Variants in METTL24 observed in about 807,000 individuals in gnomAD.
The protein encoded by METTL24 is methyltransferase like 24, also known as probable methyltransferase-like protein 24.
Under a neutral mutation model 32.7 loss-of-function variants are expected in METTL24, and 29 were observed. That is an observed-to-expected ratio of 0.89 (90% CI 0.66 to 1.21). The LOEUF (loss-of-function observed/expected upper bound fraction) is 1.21. Among genes scored for constraint, METTL24 ranks in the 50% most tolerant of loss-of-function variants. METTL24 has a pLI of 0.00. For synonymous variants in METTL24, 163 were observed against 179.5 expected (o/e 0.91, Z 0.73); for missense variants, 439 against 468.1 (o/e 0.94, Z 0.57).
intron 2 of METTL24, among the ~76,000 whole-genome samples, chr6:110,317,748 A>G (rs1771852552): frequency 6.6e-6 from 1 of 152,050 alleles, no homozygotes; most frequent in Non-Finnish European, 1.5e-5. Flanking sequence ...ATCCAAACCT[A>G]GCTCTAACCT....
At chr6:110,329,528 G>C (rs1293024877) in intron 1 of METTL24, among the ~76,000 whole-genome samples, 3 of 144,940 alleles carry the variant, frequency 2.1e-5, no homozygotes, top group Admixed American at 1.4e-4. Context: ...GTTGGGGGAG[G>C]GAGAGGCACA....
At chr6:110,298,617 C>T (rs1771463455) in intron 4 of METTL24, among the ~76,000 whole-genome samples, 1 of 151,972 alleles carries the variant, frequency 6.6e-6, no homozygotes, top group Non-Finnish European at 1.5e-5. Context: ...AAGTCAGTTG[C>T]CAAATGAAAA....
At chr6:110,333,676 A>C (rs1192628908) in intron 1 of METTL24, among the ~76,000 whole-genome samples, 1 of 152,108 alleles carries the variant, frequency 6.6e-6, no homozygotes, top group East Asian at 1.9e-4. Flanking sequence ...TCGTGACCTC[A>C]AATGACCTGC....
intron 1 of METTL24, among the ~76,000 whole-genome samples, chr6:110,343,868 C>G (rs549820651): frequency 6.6e-5 from 10 of 152,144 alleles, no homozygotes; most frequent in South Asian, 6.2e-4. Context: ...CAGTGCAGAG[C>G]GAAGAGGAGA....
At chr6:110,350,339 G>GT (rs1204728581) in intron 1 of METTL24, among the ~76,000 whole-genome samples, 2 of 152,090 alleles carry the variant, frequency 1.3e-5, no homozygotes, top group African/African-American at 4.8e-5. Flanking sequence ...CTCCAGGAGG[G>GT]TTTCAATCAG....
rs968896872 is a variant in METTL24 at position 110,356,336 on chromosome 6, G to A, written c.318+1619C>T. On this transcript the variant is annotated intron_variant, in intron 1 of 4. Transcript: ENST00000338882. ...TGCACGCCTGTAATCCCAGCTACTC[G>A]GTAGGCTGAGCCAGAAGAATCGCTT... Among the ~76,000 whole-genome samples, 61 of 151,982 alleles carry A rather than the reference G, an allele frequency of 4.0e-4. 1 individual carries two copies. The highest frequency in any genetic ancestry group is 3.3e-3 in the Admixed American group (50 of 15,260).
intron 1 of METTL24, among the ~76,000 whole-genome samples, chr6:110,343,462 G>A (rs983636912): frequency 1.3e-5 from 2 of 152,200 alleles, no homozygotes; most frequent in African/African-American, 4.8e-5. Context: ...AGGAGAAACA[G>A]GATTATTGAA....
chr6:110,261,194 C>T (rs144232815), intron 4 of METTL24, among the ~76,000 whole-genome samples: 301 of 152,220 alleles, frequency 2.0e-3, no homozygotes, highest in African/African-American at 6.9e-3. Flanking sequence ...AGAGTCAAGA[C>T]CCATCAGTGT....
At chr6:110,295,005 C>CTTTTTTTTTTT (rs1562228256) in intron 4 of METTL24, among the ~76,000 whole-genome samples, 12 of 96,830 alleles carry the variant, frequency 1.2e-4, no homozygotes, top group African/African-American at 4.1e-4. Flanking sequence ...TTCTTTTTTT[C>CTTTTTTTTTTT]TTTCTTTCTT....
Position 110,270,884 on chromosome 6 carries a change from C to T in METTL24, c.787-24624G>A, listed in dbSNP as rs566324788. Among the ~76,000 whole-genome samples, 11 of 146,010 alleles carry T rather than the reference C, an allele frequency of 7.5e-5. No homozygotes were observed. In the East Asian group the frequency reaches 2.2e-3, roughly 29 times the overall value. On this transcript the variant is annotated intron_variant, in intron 4 of 4. Transcript: ENST00000338882. ...GTGGAGTCTTGCTCTGTTGCCCAGG[C>T]TGGAGTGCAGTGGCATGATCTTGAC...
chr6:110,254,490 G>T (rs1351749745), intron 4 of METTL24, among the ~76,000 whole-genome samples: 3 of 151,918 alleles, frequency 2.0e-5, no homozygotes, highest in Non-Finnish European at 2.9e-5. Context: ...AAATTATCTG[G>T]GCATGGTGGC....
chr6:110,316,748 T>C (rs541673820), intron 2 of METTL24, among the ~76,000 whole-genome samples: 2 of 152,016 alleles, frequency 1.3e-5, no homozygotes, highest in East Asian at 3.9e-4. Context: ...ATATAAACAT[T>C]AGCTGGGCAT....
At chr6:110,318,777 C>T (rs1421442774) in intron 2 of METTL24, among the ~76,000 whole-genome samples, 1 of 152,116 alleles carries the variant, frequency 6.6e-6, no homozygotes, top group Non-Finnish European at 1.5e-5. Context: ...AACTGAAAGT[C>T]CTCCATAAAC....
intron 4 of METTL24, among the ~76,000 whole-genome samples, chr6:110,276,114 G>C (rs369808079): frequency 6.6e-6 from 1 of 152,096 alleles, no homozygotes; most frequent in African/African-American, 2.4e-5. Context: ...CAAGCATCAT[G>C]AACAACTATG....
rs1770858816 is a variant in METTL24, at chr6:110,266,409, A to G, written c.787-20149T>C. Reference sequence around the variant, plus strand: ...ATAGACCAATAATCTGTGTCTTTTGAAGGTTAAAGTTCCCACCTAAACGTC... The same window carrying G: ...ATAGACCAATAATCTGTGTCTTTTGGAGGTTAAAGTTCCCACCTAAACGTC... On this transcript the variant is annotated intron_variant, in intron 4 of 4. Coordinates refer to ENST00000338882, the MANE Select transcript of METTL24 (RefSeq NM_001123364.3). Among the ~76,000 whole-genome samples the G allele has an allele frequency of 5.3e-5, 8 of 152,262 alleles. 1 individual carries two copies. In the South Asian group the frequency reaches 1.7e-3, roughly 32 times the overall value.
chr6:110,332,506 T>C, intron 1 of METTL24: 1 of 983,128 alleles, frequency 1.0e-6, no homozygotes. Flanking sequence ...ACACAGTGTC[T>C]GCATACGTAG....
intron 4 of METTL24, among the ~76,000 whole-genome samples, chr6:110,256,194 G>A (rs892957600): frequency 3.2e-4 from 48 of 152,214 alleles, no homozygotes; most frequent in Non-Finnish European, 2.9e-4. Flanking sequence ...ACACACACAT[G>A]ACTGAGGAAT....
At chr6:110,311,922 G>A (rs1012537520) in intron 3 of METTL24, among the ~76,000 whole-genome samples, 1 of 152,122 alleles carries the variant, frequency 6.6e-6, no homozygotes, top group Non-Finnish European at 1.5e-5. Context: ...TGAGTTGTTT[G>A]AGTTCCTTGT....
At chr6:110,324,999 G>C (rs115902747) in intron 1 of METTL24, among the ~76,000 whole-genome samples, 1 of 152,146 alleles carries the variant, frequency 6.6e-6, no homozygotes, top group South Asian at 2.1e-4. Flanking sequence ...GAAATTATTC[G>C]ATTCTGAAAT....
Sources: allele counts gnomAD v4.1 joint callset (sites outside exome capture counted in the v4.1 genomes callset), GRCh38; gene constraint gnomAD v4.1.1; transcripts MANE v1.5; gene names NCBI Gene and HGNC (gene_info 2026-07-23, HGNC 2026-07-21).